The following STPG2 variants were observed in gnomAD, a reference collection of about 807,000 sequenced individuals.
STPG2 encodes sperm-tail PG-rich repeat-containing protein 2.
In STPG2, 56 loss-of-function variants were observed where a neutral mutation model predicts 54.2. The observed-to-expected ratio is 1.03, with a 90% CI of 0.83 to 1.29. The LOEUF is 1.29. STPG2 is among the 50% of genes most tolerant of loss of function. STPG2 has a pLI of 0.00. For synonymous variants in STPG2, 200 were observed against 181.8 expected, an observed-to-expected ratio of 1.10 and a Z score of -0.81; for missense variants, 596 against 544.9, an observed-to-expected ratio of 1.09 and a Z score of -0.93.
At chr4:97,561,054 T>G (rs893702930) in intron 10 of STPG2, among the ~76,000 whole-genome samples, 6 of 152,128 alleles carry the variant, frequency 3.9e-5, no homozygotes, top group South Asian at 2.1e-4. Context: ...TGAACTAGTT[T>G]ACAGTCCCAC....
chr4:97,903,906 G>C (rs1023914726), intron 8 of STPG2, among the ~76,000 whole-genome samples: 6 of 152,318 alleles, frequency 3.9e-5, no homozygotes, highest in Non-Finnish European at 8.8e-5. Flanking sequence ...TTAAAAAATG[G>C]CGCACCACGA....
intron 4 of STPG2, among the ~76,000 whole-genome samples, chr4:97,464,362 C>A (rs1413042062): frequency 6.6e-6 from 1 of 152,066 alleles, no homozygotes; most frequent in African/African-American, 2.4e-5. Context: ...AACTATCTTC[C>A]AAACTAGTAG....
chr4:97,637,356 G>A (rs1452034344), intron 10 of STPG2, among the ~76,000 whole-genome samples: 1 of 150,758 alleles, frequency 6.6e-6, no homozygotes, highest in African/African-American at 2.4e-5. Context: ...AATAATAAGA[G>A]CTATCTATGA....
At chr4:97,900,807 A>G (rs1460051438) in intron 8 of STPG2, among the ~76,000 whole-genome samples, 1 of 152,012 alleles carries the variant, frequency 6.6e-6, no homozygotes, top group Non-Finnish European at 1.5e-5. Flanking sequence ...AGGAGCAGAA[A>G]AGATAACTGT....
chr4:97,456,548 C>T (rs1395178388), intron 4 of STPG2, among the ~76,000 whole-genome samples: 2 of 151,890 alleles, frequency 1.3e-5, no homozygotes, highest in Non-Finnish European at 2.9e-5. Context: ...ATATTACTGA[C>T]AAAGGAATGT....
intron 4 of STPG2, among the ~76,000 whole-genome samples, chr4:97,551,259 A>G (rs1731961179): frequency 6.6e-6 from 1 of 152,158 alleles, no homozygotes; most frequent in South Asian, 2.1e-4. Flanking sequence ...AGCTGGCTTC[A>G]CCTCTCATAA....
downstream of STPG2, chr4:97,558,730 A>G: frequency 4.2e-6 from 1 of 237,228 alleles, no homozygotes; most frequent in Non-Finnish European, 8.1e-6. Context: ...CAAAAGACTG[A>G]GCCTGATGAC....
At chr4:98,052,936 C>T (rs1200726598) in intron 5 of STPG2, among the ~76,000 whole-genome samples, 1 of 152,162 alleles carries the variant, frequency 6.6e-6, no homozygotes, top group African/African-American at 2.4e-5. Flanking sequence ...TCCTTTCCCT[C>T]CCTAACCTCA....
At chr4:98,018,406 C>T (rs553427008) in intron 5 of STPG2, among the ~76,000 whole-genome samples, 2 of 152,300 alleles carry the variant, frequency 1.3e-5, no homozygotes, top group East Asian at 3.9e-4. Context: ...TTTTCTTAAT[C>T]CAGTCTATCA....
intron 5 of STPG2, among the ~76,000 whole-genome samples, chr4:98,005,406 A>T (rs1735547620): frequency 6.6e-6 from 1 of 152,194 alleles, no homozygotes; most frequent in South Asian, 2.1e-4. Flanking sequence ...ACAGCTCTGA[A>T]TAGGACTTCC....
chr4:97,971,058 C>T (rs1435801094), intron 7 of STPG2, among the ~76,000 whole-genome samples: 2 of 152,166 alleles, frequency 1.3e-5, no homozygotes, highest in Non-Finnish European at 2.9e-5. Flanking sequence ...AAAAATTGCT[C>T]ATCATCACTG....
At chr4:97,465,231 C>T (rs1344773165) in intron 4 of STPG2, among the ~76,000 whole-genome samples, 1 of 152,176 alleles carries the variant, frequency 6.6e-6, no homozygotes, top group Admixed American at 6.6e-5. Flanking sequence ...GCTTCAACTC[C>T]TGATCTCATT....
At chr4:98,020,201 T>G (rs1033573416) in intron 5 of STPG2, among the ~76,000 whole-genome samples, 8 of 133,464 alleles carry the variant, frequency 6.0e-5, no homozygotes, top group African/African-American at 2.3e-4. Flanking sequence ...CATCAATACC[T>G]AATTTATTGA....
intron 10 of STPG2, among the ~76,000 whole-genome samples, chr4:97,639,318 G>A (rs1481130480): frequency 6.6e-6 from 1 of 151,616 alleles, no homozygotes; most frequent in East Asian, 2.0e-4. Flanking sequence ...CACAGGAAGG[G>A]GAACATCACA....
At chr4:97,636,096 G>A (rs1318815210) in intron 10 of STPG2, among the ~76,000 whole-genome samples, 1 of 151,534 alleles carries the variant, frequency 6.6e-6, no homozygotes, top group African/African-American at 2.4e-5. Flanking sequence ...TGGAAGTAAA[G>A]CTCTCCTCAG....
chr4:97,942,732 C>A (rs1277579788), intron 8 of STPG2, among the ~76,000 whole-genome samples: 3 of 152,164 alleles, frequency 2.0e-5, no homozygotes, highest in South Asian at 2.1e-4. Flanking sequence ...ATTTTACAAT[C>A]AAAAATATTA....
intron 9 of STPG2, among the ~76,000 whole-genome samples, chr4:97,779,979 G>A (rs1176357292): frequency 6.6e-6 from 1 of 151,254 alleles, no homozygotes; most frequent in Admixed American, 6.6e-5. Flanking sequence ...GCAAAAACAT[G>A]CCGAACTGTA....
At chr4:97,953,407 G>C (rs981718770) in intron 7 of STPG2, among the ~76,000 whole-genome samples, 1 of 152,184 alleles carries the variant, frequency 6.6e-6, no homozygotes, top group Non-Finnish European at 1.5e-5. Flanking sequence ...CTTCCCCACA[G>C]AGACTGCAAC....
At chr4:97,807,497 C>T (rs775597114) in intron 9 of STPG2, among the ~76,000 whole-genome samples, 1 of 151,454 alleles carries the variant, frequency 6.6e-6, no homozygotes, top group Non-Finnish European at 1.5e-5. Flanking sequence ...TACTGCCTAT[C>T]GTGGAAATAA....
Sources: allele counts gnomAD v4.1 joint callset (sites outside exome capture counted in the v4.1 genomes callset), GRCh38; gene constraint gnomAD v4.1.1; transcripts MANE v1.5; gene names NCBI Gene and HGNC (gene_info 2026-07-23, HGNC 2026-07-21).